The following ANKRD11 variants were observed in gnomAD, a reference collection of about 807,000 sequenced individuals.
ANKRD11 encodes the protein ankyrin repeat domain-containing protein 11.
A neutral mutation model predicts 195.7 loss-of-function variants in ANKRD11; 17 were observed. That is an observed-to-expected ratio of 0.09 (90% CI 0.06 to 0.13). The LOEUF (loss-of-function observed/expected upper bound fraction) is 0.13. Among genes scored for constraint, ANKRD11 ranks in the 10% least tolerant of loss-of-function variants. ANKRD11 has a pLI of 1.00. For synonymous variants in ANKRD11, 1,953 were observed against 1,528.1 expected, an observed-to-expected ratio of 1.28 and a Z score of -6.49; for missense variants, 3,735 against 3,566.1, an observed-to-expected ratio of 1.05 and a Z score of -1.21.
intron 1 of ANKRD11, among the ~76,000 whole-genome samples, chr16:89,419,451 T>TAAAA (rs772809896): frequency 7.6e-6 from 1 of 132,224 alleles, no homozygotes; most frequent in Admixed American, 7.5e-5. Flanking sequence ...AAACTCGTCT[T>TAAAA]AAAAAAAAAA....
intron 2 of ANKRD11, among the ~76,000 whole-genome samples, chr16:89,330,218 C>G (rs2037974729): frequency 6.6e-6 from 1 of 152,108 alleles, no homozygotes; most frequent in South Asian, 2.1e-4. Flanking sequence ...AGCTGTGTGT[C>G]CGGTCAGGGG....
At position 89,290,838 on chromosome 16, in the gene ANKRD11, A is replaced by G; in HGVS notation, c.398-10T>C. 1.2e-6 allele frequency: 2 copies of G among 1,613,178 alleles called. No homozygotes were observed. The highest frequency in any genetic ancestry group is 1.7e-6 in the Non-Finnish European group (2 of 1,179,916). ...TTTGGTGTTGTGTCCACTGCAGGCC[A>G]AGGAGGGGACAGATGGGCATTACTG... On this transcript the variant is annotated splice_polypyrimidine_tract_variant and intron_variant, in intron 5 of 12. Transcript: ENST00000301030.
intron 2 of ANKRD11, among the ~76,000 whole-genome samples, chr16:89,398,001 C>T (rs1211280813): frequency 2.6e-5 from 4 of 152,240 alleles, no homozygotes; most frequent in Non-Finnish European, 5.9e-5. Context: ...CACAAAGCGC[C>T]TGTCACCAGT....
At chr16:89,475,826 G>A (rs2057239328) in intron 1 of ANKRD11, among the ~76,000 whole-genome samples, 1 of 152,108 alleles carries the variant, frequency 6.6e-6, no homozygotes, top group African/African-American at 2.4e-5. Flanking sequence ...AAGGTGGGTG[G>A]ATCAATTGAG....
intron 1 of ANKRD11, among the ~76,000 whole-genome samples, chr16:89,484,200 G>A (rs1219666949): frequency 1.3e-5 from 2 of 152,178 alleles, no homozygotes; most frequent in African/African-American, 2.4e-5. Flanking sequence ...TTCAAGAGTG[G>A]TGCTCTGGGG....
At chr16:89,277,065 A>AC (rs1200114931) in intron 9 of ANKRD11, among the ~76,000 whole-genome samples, 1 of 151,068 alleles carries the variant, frequency 6.6e-6, no homozygotes. Flanking sequence ...TAAAAAAAAA[A>AC]AAAAATGGAT....
chr16:89,349,861 AACACACACACACACACACAC>A (rs34592614), intron 2 of ANKRD11, among the ~76,000 whole-genome samples: 1,470 of 133,236 alleles, frequency 0.011, 12 homozygotes, highest in Non-Finnish European at 0.014. Flanking sequence ...TACTTGTTAA[AACACACACACACACACACAC>A]ACACACACAC....
chr16:89,388,886 C>T (rs2041048615), intron 2 of ANKRD11, among the ~76,000 whole-genome samples: 1 of 152,194 alleles, frequency 6.6e-6, no homozygotes, highest in Non-Finnish European at 1.5e-5. Context: ...CTAAAAGCAA[C>T]AGCTGAAAGG....
At position 89,315,130 on chromosome 16, in the gene ANKRD11, G is replaced by A. The variant is rs376751448; in HGVS notation, c.87+1803C>T. Among the ~76,000 whole-genome samples the A allele has an allele frequency of 1.1e-3, 166 of 152,224 alleles. 1 individual carries two copies. The highest frequency in any genetic ancestry group is 1.9e-3 in the Non-Finnish European group (129 of 68,014). On this transcript the variant is annotated intron_variant, in intron 3 of 12. Coordinates refer to ENST00000301030, the MANE Select transcript of ANKRD11 (RefSeq NM_013275.6). ...CTCGGGGTGAAACCACACCATACACGACCTCTTTGGGAGCCAATGCTCAGT... is the reference window on the plus strand; with the variant it reads ...CTCGGGGTGAAACCACACCATACACAACCTCTTTGGGAGCCAATGCTCAGT...
At chr16:89,325,552 G>T (rs1597650528) in intron 2 of ANKRD11, among the ~76,000 whole-genome samples, 1 of 151,954 alleles carries the variant, frequency 6.6e-6, no homozygotes, top group South Asian at 2.1e-4. Flanking sequence ...TCTGAAAATA[G>T]CAACTACAGT....
At chr16:89,346,793 C>CT (rs1177127048) in intron 2 of ANKRD11, among the ~76,000 whole-genome samples, 2 of 152,204 alleles carry the variant, frequency 1.3e-5, no homozygotes, top group South Asian at 2.1e-4. Flanking sequence ...TAAAGAGACT[C>CT]TAAAAGTTAG....
chr16:89,288,955 A>G, intron 6 of ANKRD11: 1 of 540,946 alleles, frequency 1.8e-6, no homozygotes, highest in East Asian at 3.2e-5. Context: ...GTAGGAAATC[A>G]GTGAACACAC....
chr16:89,270,773 A>G, intron 12 of ANKRD11, 44 bp downstream of exon 12: 1 of 1,597,832 alleles, frequency 6.3e-7, no homozygotes, highest in East Asian at 2.2e-5. Context: ...AGAACTGGGC[A>G]GCAGCCTCCC....
At chr16:89,293,086 T>C (rs1344115156) in intron 4 of ANKRD11, among the ~76,000 whole-genome samples, 1 of 152,100 alleles carries the variant, frequency 6.6e-6, no homozygotes, top group Non-Finnish European at 1.5e-5. Context: ...CTGCCCACAG[T>C]CGCCTGGAGA....
At chr16:89,303,334 G>C (rs1353698935) in intron 4 of ANKRD11, among the ~76,000 whole-genome samples, 2 of 152,206 alleles carry the variant, frequency 1.3e-5, no homozygotes, top group Non-Finnish European at 2.9e-5. Flanking sequence ...CAAACACAGG[G>C]TTTCAGGCCT....
chr16:89,448,055 T>A (rs1313870147), intron 1 of ANKRD11, among the ~76,000 whole-genome samples: 1 of 152,104 alleles, frequency 6.6e-6, no homozygotes, highest in Non-Finnish European at 1.5e-5. Flanking sequence ...TCCGCCCACC[T>A]TGGCCTCCCA....
chr16:89,278,938 T>C (rs1377408719), intron 9 of ANKRD11, 134 bp downstream of exon 9: 12 of 1,393,304 alleles, frequency 8.6e-6, no homozygotes, highest in African/African-American at 1.4e-5. Context: ...GGGCTGTGTC[T>C]CCTCAGGTGG....
intron 1 of ANKRD11, among the ~76,000 whole-genome samples, chr16:89,483,106 G>A (rs2057496601): frequency 6.6e-6 from 1 of 152,174 alleles, no homozygotes; most frequent in Non-Finnish European, 1.5e-5. Context: ...CCCAAGAGCT[G>A]TTCTCTGTCT....
intron 1 of ANKRD11, among the ~76,000 whole-genome samples, chr16:89,462,587 C>T (rs1403057298): frequency 6.6e-6 from 1 of 151,032 alleles, no homozygotes; most frequent in African/African-American, 2.4e-5. Flanking sequence ...AAGTGAGGAG[C>T]GTCTCCGCCC....
Sources: gnomAD v4.1 joint callset for allele counts (sites outside exome capture counted in the v4.1 genomes callset) on GRCh38, gnomAD v4.1.1 for gene constraint, MANE v1.5 for transcripts, NCBI Gene and HGNC (gene_info 2026-07-23, HGNC 2026-07-21) for gene names.